The following ZFYVE26 variants were observed in gnomAD, a reference collection of about 807,000 sequenced individuals.
The protein encoded by ZFYVE26 is zinc finger FYVE domain-containing protein 26.
ZFYVE26 carries 181 observed loss-of-function variants against 276.5 expected under a neutral mutation model. The ratio of observed to expected loss-of-function variants is 0.65; its 90% CI spans 0.58 to 0.74. The LOEUF (loss-of-function observed/expected upper bound fraction) is 0.74, where lower values mean the gene tolerates loss of function less well. ZFYVE26 is among the 30% of genes least tolerant of loss of function. ZFYVE26 has a pLI of 0.00. For synonymous variants in ZFYVE26, 1,129 were observed against 1,203.1 expected (o/e 0.94, Z 1.27); for missense variants, 2,821 against 3,097.9 (o/e 0.91, Z 2.12).
Position 67,775,033 on chromosome 14 carries a change from G to A in ZFYVE26, c.5303C>T (p.Ser1768Phe), listed in dbSNP as rs757960418. 1.2e-6 allele frequency: 2 copies of A among 1,611,048 alleles called. No homozygotes were observed. The highest frequency in any genetic ancestry group is 1.7e-6 in the Non-Finnish European group (2 of 1,178,678). ...GTTCTTACCAGGAGGAGCAGCAGGA[G>A]AGAACTCTGCTGATGGTGATCTAGG... ...TLPRSPSAEF[S>F]PAAPPGISSI... The change falls in exon 27 of 42, where the codon TCT becomes TTT. Residue 1768 changes from serine to phenylalanine, a missense_variant. Ser to Phe is a radical substitution (Grantham distance 155). Transcript: ENST00000347230.
intron 14 of ZFYVE26, among the ~76,000 whole-genome samples, chr14:67,793,118 G>A (rs1403413431): frequency 6.6e-6 from 1 of 151,456 alleles, no homozygotes; most frequent in Non-Finnish European, 1.5e-5. Context: ...AAATTAGCCT[G>A]GTGTGGTGGG....
downstream of ZFYVE26, among the ~76,000 whole-genome samples, chr14:67,745,111 T>C (rs2038465829): frequency 1.3e-5 from 2 of 152,254 alleles, no homozygotes; most frequent in African/African-American, 4.8e-5. Flanking sequence ...CCATTCTAAC[T>C]GGCGTGAGAT....
At chr14:67,786,274 A>AAAAAAAAAAAAT in intron 16 of ZFYVE26, 41 bp from the exon 17 acceptor site, 2 of 1,587,984 alleles carry the variant, frequency 1.3e-6, no homozygotes, top group Non-Finnish European at 1.7e-6. Flanking sequence ...AAAAAAAAAA[A>AAAAAAAAAAAAT]TTGAAGTGTT....
intron 16 of ZFYVE26, among the ~76,000 whole-genome samples, 181 bp from the exon 17 acceptor site, chr14:67,786,414 T>C (rs2039660900): frequency 6.6e-6 from 1 of 152,226 alleles, no homozygotes; most frequent in South Asian, 2.1e-4. Flanking sequence ...CCTGAGATTC[T>C]AGGACTGACT....
intron 31 of ZFYVE26, among the ~76,000 whole-genome samples, chr14:67,766,872 G>A (rs1388461713): frequency 6.6e-6 from 1 of 151,904 alleles, no homozygotes; most frequent in Non-Finnish European, 1.5e-5. Context: ...GCTAATTTTT[G>A]TATTTTTTTT....
chr14:67,802,793 A>C (rs2040105061), intron 9 of ZFYVE26, among the ~76,000 whole-genome samples: 1 of 152,146 alleles, frequency 6.6e-6, no homozygotes, highest in Admixed American at 6.5e-5. Context: ...GAAAAAAAAA[A>C]CATGGAATGT....
At chr14:67,736,718 T>G (rs569841055) in intron 13 of ZFYVE26, among the ~76,000 whole-genome samples, 1 of 152,230 alleles carries the variant, frequency 6.6e-6, no homozygotes, top group Non-Finnish European at 1.5e-5. Flanking sequence ...TTATGTATTC[T>G]AGAAAACGGA....
rs1335135323 is a variant in ZFYVE26 at position 67,732,494 on chromosome 14, A to AAG, written n.2680-2677_2680-2676dup. ...TGATCCCGGTTTTATGTAAGAGAGA[A>AAG]AGAGAGAGAGAGACTATATCTCTAT... On this transcript the variant is annotated intron_variant and non_coding_transcript_variant, in intron 13 of 14. Coordinates refer to the ZFYVE26 transcript ENST00000394455. Among the ~76,000 whole-genome samples, 29 of 150,684 alleles carry AAG rather than the reference A, an allele frequency of 1.9e-4. No homozygotes were observed. The South Asian group carries it at 5.7e-3, about 30-fold the overall frequency.
chr14:67,802,417 C>T, intron 9 of ZFYVE26, 135 bp from the exon 10 acceptor site: 1 of 873,488 alleles, frequency 1.1e-6, no homozygotes, highest in Non-Finnish European at 1.8e-6. Context: ...TTCTGTCGGT[C>T]TGATCTGTGT....
chr14:67,806,624 T>G lies in ZFYVE26; in HGVS notation c.938A>C (p.Asn313Thr). Residue 313 changes from asparagine (N) to threonine (T), a missense_variant, in exon 6 of 42, where the codon AAT becomes ACT. By Grantham distance (65) the Asn-to-Thr change is moderately conservative. Transcript: ENST00000347230. ...TTTCCAAGCCTCGGCTGGGTTGGGA[T>G]TGGAGAACAGGGCTAGCATTGCCCG... ...PERAMLALFS[N>T]PNPAEAWKVA... 6.2e-7 allele frequency: 1 copy of G among 1,614,182 alleles called. No individual in the cohort carries two copies. The highest frequency in any genetic ancestry group is 8.5e-7 in the Non-Finnish European group (1 of 1,180,016).
intron 10 of ZFYVE26, chr14:67,799,136 C>T: frequency 1.3e-6 from 2 of 1,489,532 alleles, no homozygotes; most frequent in South Asian, 2.3e-5. Context: ...CTGGCGGCTA[C>T]TCTTTAAAAA....
intron 40 of ZFYVE26, 56 bp downstream of exon 40, chr14:67,752,288 G>A: frequency 6.5e-7 from 1 of 1,549,194 alleles, no homozygotes; most frequent in Non-Finnish European, 8.8e-7. Context: ...ATAAAGATGG[G>A]GATGTGAAGA....
In ZFYVE26 at chr14:67,815,858, C is replaced by T. The variant is rs2040392702; in HGVS notation, c.106G>A (p.Val36Ile). 1 of 1,614,196 alleles carries T rather than the reference C, an allele frequency of 6.2e-7. No individual in the cohort carries two copies. Among genetic ancestry groups the T allele is most frequent in the Non-Finnish European group, 8.5e-7 (1 of 1,180,046 alleles). Reference protein sequence around the residue: ...RGEWELAQACVPQLQEGQGDI... With the variant: ...RGEWELAQACIPQLQEGQGDI... ...CCTTGTCCCTCCTGTAGCTGAGGTA[C>T]ACATGCCTGTGCCAGCTCCCATTCT... is the stretch of plus-strand genomic sequence containing the variant. The change falls in exon 2 of 42, where the codon GTA becomes ATA. Residue 36 changes from valine (V) to isoleucine (I), a missense_variant. Coordinates refer to ENST00000347230, the MANE Select transcript of ZFYVE26 (RefSeq NM_015346.4).
Position 67,786,025 on chromosome 14 carries a change from A to G in ZFYVE26, c.3140-3T>C, listed in dbSNP as rs1368323458. 5.0e-6 allele frequency: 8 copies of G among 1,614,062 alleles called. No homozygotes were observed. The highest frequency in any genetic ancestry group is 2.2e-5 in the South Asian group (2 of 91,088). On this transcript the variant is annotated splice_region_variant and splice_polypyrimidine_tract_variant and intron_variant, in intron 17 of 41. Coordinates refer to ENST00000347230, the MANE Select transcript of ZFYVE26 (RefSeq NM_015346.4). ...TCCTCCCTTTTCTTCCACACTCTCT[A>G]TGGAAAGCAAATGAGAAAGAAAAAG...
Position 67,737,566 on chromosome 14 carries a change from G to T in ZFYVE26, n.2680-7747C>A, listed in dbSNP as rs138447383. Among the ~76,000 whole-genome samples, 54 of 152,168 alleles carry T rather than the reference G, an allele frequency of 3.5e-4. 1 individual carries two copies. The East Asian group carries it at 0.01, about 29-fold the overall frequency. Reference sequence around the variant, plus strand: ...ACCAGGTCCCTCCCTCAACACATGGGGATTACAATTTGAGATGAGATTTGG... The same window carrying T: ...ACCAGGTCCCTCCCTCAACACATGGTGATTACAATTTGAGATGAGATTTGG... On this transcript the variant is annotated intron_variant and non_coding_transcript_variant, in intron 13 of 14. Transcript: ENST00000394455.
At chr14:67,759,055 T>C (rs547297667) in intron 35 of ZFYVE26, among the ~76,000 whole-genome samples, 19 of 150,472 alleles carry the variant, frequency 1.3e-4, no homozygotes, top group South Asian at 6.3e-4. Context: ...CTGGCTAACA[T>C]GGTGAAACCC....
chr14:67,777,533 G>C, intron 25 of ZFYVE26, 26 bp downstream of exon 25: 1 of 1,612,600 alleles, frequency 6.2e-7, no homozygotes, highest in Non-Finnish European at 8.5e-7. Context: ...CACATACAGC[G>C]CCTGGATTTC....
intron 13 of ZFYVE26, chr14:67,733,980 T>G: frequency 1.5e-6 from 1 of 670,956 alleles, no homozygotes; most frequent in South Asian, 1.5e-5. Flanking sequence ...CTGATCCTCT[T>G]GACCCTTCTG....
chr14:67,766,781 C>T (rs2039070711), intron 31 of ZFYVE26, among the ~76,000 whole-genome samples: 1 of 152,068 alleles, frequency 6.6e-6, no homozygotes, highest in Admixed American at 6.5e-5. Flanking sequence ...CTCACTGCAA[C>T]CTCTGCCTCC....
Sources: allele counts gnomAD v4.1 joint callset (sites outside exome capture counted in the v4.1 genomes callset), GRCh38; gene constraint gnomAD v4.1.1; transcripts MANE v1.5; gene names NCBI Gene and HGNC (gene_info 2026-07-23, HGNC 2026-07-21).